The following SGCD variants were observed in gnomAD, a reference collection of about 807,000 sequenced individuals.
The protein encoded by SGCD is delta-sarcoglycan.
In SGCD, 18 loss-of-function variants were observed where a neutral mutation model predicts 36.6. The observed-to-expected ratio is 0.49, with a 90% CI of 0.34 to 0.73. The LOEUF (loss-of-function observed/expected upper bound fraction) is 0.73. Ranked by LOEUF, SGCD falls within the 30% of genes least tolerant of loss-of-function variation. The pLI, the probability that SGCD is intolerant of heterozygous loss-of-function variation, is 0.01. For missense variants in SGCD, 387 were observed against 346.7 expected (o/e 1.12, Z -0.92); for synonymous variants, 133 against 130.6 (o/e 1.02, Z -0.12).
intron 1 of SGCD, among the ~76,000 whole-genome samples, chr5:155,980,030 A>T (rs1271928848): frequency 6.6e-6 from 1 of 152,144 alleles, no homozygotes; most frequent in Non-Finnish European, 1.5e-5. Context: ...TTAGAAGGGG[A>T]TATAGAGACC....
At chr5:156,425,132 C>T (rs933760432) in intron 3 of SGCD, among the ~76,000 whole-genome samples, 1 of 152,062 alleles carries the variant, frequency 6.6e-6, no homozygotes, top group East Asian at 1.9e-4. Context: ...CAAAGGACAG[C>T]AGTCAGGCCC....
intron 1 of SGCD, among the ~76,000 whole-genome samples, chr5:155,889,417 G>A (rs1185502959): frequency 6.6e-6 from 1 of 152,054 alleles, no homozygotes; most frequent in African/African-American, 2.4e-5. Context: ...CCACACAAAA[G>A]CCTTATCATT....
intron 3 of SGCD, among the ~76,000 whole-genome samples, chr5:156,253,647 A>C (rs916618481): frequency 1.3e-5 from 2 of 152,190 alleles, no homozygotes; most frequent in African/African-American, 4.8e-5. Flanking sequence ...GAGTATATTA[A>C]TACATCAAAA....
intron 1 of SGCD, among the ~76,000 whole-genome samples, chr5:155,898,057 T>A (rs1299887945): frequency 6.6e-6 from 1 of 152,250 alleles, no homozygotes. Flanking sequence ...TTCTTTTGGT[T>A]TGGACTCGGA....
intron 3 of SGCD, among the ~76,000 whole-genome samples, chr5:156,452,607 T>C (rs1040480307): frequency 6.6e-6 from 1 of 152,190 alleles, no homozygotes; most frequent in African/African-American, 2.4e-5. Context: ...ATACACCTAA[T>C]AGATGCATGC....
intron 3 of SGCD, among the ~76,000 whole-genome samples, chr5:156,316,914 G>A (rs915788129): frequency 6.6e-6 from 1 of 152,074 alleles, no homozygotes; most frequent in Non-Finnish European, 1.5e-5. Flanking sequence ...AGTTTTAAGA[G>A]AGGATCCATT....
intron 1 of SGCD, among the ~76,000 whole-genome samples, chr5:155,967,384 T>C (rs988952572): frequency 6.6e-6 from 1 of 151,936 alleles, no homozygotes; most frequent in Non-Finnish European, 1.5e-5. Context: ...GAATTACAGG[T>C]GTTGTATTCT....
intron 3 of SGCD, among the ~76,000 whole-genome samples, chr5:156,380,057 G>A (rs80013625): frequency 0.034 from 5,149 of 152,060 alleles, 231 homozygotes; most frequent in African/African-American, 0.096. Context: ...CCCATTCAAG[G>A]CACAGCGTTT....
chr5:156,207,322 G>T (rs1189473996), intron 3 of SGCD, among the ~76,000 whole-genome samples: 1 of 152,034 alleles, frequency 6.6e-6, no homozygotes, highest in Admixed American at 6.5e-5. Context: ...CATGTTTTTG[G>T]GGGCCCAGCA....
At chr5:155,957,519 A>T (rs1027599021) in intron 1 of SGCD, among the ~76,000 whole-genome samples, 1 of 152,108 alleles carries the variant, frequency 6.6e-6, no homozygotes, top group African/African-American at 2.4e-5. Flanking sequence ...TTTCTTTCAG[A>T]GGCTCTAGGG....
intron 3 of SGCD, among the ~76,000 whole-genome samples, chr5:156,391,912 G>A (rs1486809659): frequency 6.6e-6 from 1 of 152,214 alleles, no homozygotes; most frequent in East Asian, 1.9e-4. Context: ...GTGATTTCAT[G>A]AGAAGTTGTT....
chr5:156,546,398 A>G (rs572491339), intron 4 of SGCD, among the ~76,000 whole-genome samples: 1 of 152,360 alleles, frequency 6.6e-6, no homozygotes, highest in South Asian at 2.1e-4. Flanking sequence ...ACCAGCAGGT[A>G]TGTAGATGTG....
chr5:155,774,381 T>C, the SGCD span, among the ~76,000 whole-genome samples: 1 of 152,186 alleles, frequency 6.6e-6, no homozygotes, highest in Non-Finnish European at 1.5e-5. Context: ...CATTTTCCCT[T>C]TGTCCTTGTT....
intron 1 of SGCD, among the ~76,000 whole-genome samples, chr5:155,926,628 T>G (rs1757001806): frequency 6.6e-6 from 1 of 152,196 alleles, no homozygotes; most frequent in Non-Finnish European, 1.5e-5. Flanking sequence ...TAGAAAATAA[T>G]TTATGTGTAA....
At chr5:156,266,427 T>C (rs1254702989) in intron 3 of SGCD, among the ~76,000 whole-genome samples, 1 of 152,216 alleles carries the variant, frequency 6.6e-6, no homozygotes, top group African/African-American at 2.4e-5. Context: ...CAAAACCATT[T>C]ATGTCATGAA....
the SGCD span, among the ~76,000 whole-genome samples, chr5:155,749,663 G>A: frequency 1.3e-5 from 2 of 152,150 alleles, no homozygotes; most frequent in Non-Finnish European, 2.9e-5. Context: ...AGAGCCTTAC[G>A]GCTGACTGCA....
intron 4 of SGCD, among the ~76,000 whole-genome samples, chr5:156,530,505 G>T (rs1388060354): frequency 2.6e-5 from 4 of 151,458 alleles, no homozygotes; most frequent in African/African-American, 9.7e-5. Flanking sequence ...GTATTGTCTT[G>T]CCATGTGAAT....
intron 4 of SGCD, among the ~76,000 whole-genome samples, chr5:156,565,045 T>C (rs1759421916): frequency 6.6e-6 from 1 of 152,204 alleles, no homozygotes; most frequent in Admixed American, 6.5e-5. Context: ...ATCAGAGACT[T>C]AGCAACTGAC....
chr5:155,791,051 T>C, the SGCD span, among the ~76,000 whole-genome samples: 1 of 152,172 alleles, frequency 6.6e-6, no homozygotes, highest in African/African-American at 2.4e-5. Flanking sequence ...GATAATCATT[T>C]TTAAAATTCT....
Sources: allele counts gnomAD v4.1 joint callset (sites outside exome capture counted in the v4.1 genomes callset), GRCh38; gene constraint gnomAD v4.1.1; transcripts MANE v1.5; gene names NCBI Gene and HGNC (gene_info 2026-07-23, HGNC 2026-07-21).